ABCC4: variants seen among roughly 807,000 people sequenced by gnomAD.
ABCC4 encodes ATP binding cassette subfamily C member 4 (PEL blood group).
Under a neutral mutation model 168.5 loss-of-function variants are expected in ABCC4, and 102 were observed. The ratio of observed to expected loss-of-function variants is 0.61; its 90% CI spans 0.52 to 0.71. ABCC4 has a LOEUF of 0.71. Ranked by LOEUF, ABCC4 falls within the 30% of genes least tolerant of loss-of-function variation. The pLI is 0.00. For missense variants in ABCC4, 1,402 were observed against 1,605.8 expected, an observed-to-expected ratio of 0.87 and a Z score of 2.17; for synonymous variants, 617 against 590.7, an observed-to-expected ratio of 1.04 and a Z score of -0.65.
chr13:95,139,968 T>C (rs1270367723), intron 19 of ABCC4, among the ~76,000 whole-genome samples: 2 of 152,202 alleles, frequency 1.3e-5, no homozygotes, highest in Admixed American at 1.3e-4. Flanking sequence ...TCCTGATCTC[T>C]AGTTCTGGTT....
At chr13:95,253,221 T>C (rs913117770) in intron 1 of ABCC4, among the ~76,000 whole-genome samples, 2 of 152,212 alleles carry the variant, frequency 1.3e-5, no homozygotes, top group African/African-American at 4.8e-5. Context: ...AGTTTCCATT[T>C]TGCACACTGA....
chr13:95,246,353 C>CA (rs1322073494), intron 3 of ABCC4, among the ~76,000 whole-genome samples: 1 of 152,188 alleles, frequency 6.6e-6, no homozygotes, highest in Non-Finnish European at 1.5e-5. Context: ...GCTCCCAGCA[C>CA]CTGGGCCCAC....
intron 20 of ABCC4, among the ~76,000 whole-genome samples, chr13:95,084,971 T>A (rs995201987): frequency 6.6e-6 from 1 of 152,276 alleles, no homozygotes; most frequent in South Asian, 2.1e-4. Context: ...TCGGGAAATA[T>A]GAGTGCAACT....
At chr13:95,175,967 G>C (rs1471626478) in intron 13 of ABCC4, among the ~76,000 whole-genome samples, 1 of 151,992 alleles carries the variant, frequency 6.6e-6, no homozygotes, top group Non-Finnish European at 1.5e-5. Flanking sequence ...CCTGCCTGCT[G>C]TCCTTCCCAC....
intron 30 of ABCC4, among the ~76,000 whole-genome samples, chr13:95,029,205 TATATATATAGAGAGAGAGAGAG>T (rs2031722032): frequency 1.9e-4 from 10 of 53,600 alleles, no homozygotes; most frequent in African/African-American, 6.3e-4. Flanking sequence ...TATATATATA[TATATATATAGAGAGAGAGAGAG>T]AGAGAGAGAG....
chr13:95,170,683 T>C lies in ABCC4; in HGVS notation c.1728-55A>G, dbSNP rs907811734. ...AATGCATGAATGGGGTGCTCCACAT[T>C]GAAAAACATACATTTTGAAACCGTA... On this transcript the variant is annotated intron_variant, in intron 13 of 30. Coordinates refer to ENST00000645237, the MANE Select transcript of ABCC4 (RefSeq NM_005845.5). The C allele has an allele frequency of 9.4e-6, 10 of 1,059,286 alleles. No homozygotes were observed. In the South Asian group the frequency reaches 1.4e-4, roughly 15 times the overall value. 65.6% of individuals were successfully genotyped at this position (1,059,286 alleles called of 1,614,324 possible).
At chr13:95,045,287 G>C (rs1485861739) in intron 27 of ABCC4, among the ~76,000 whole-genome samples, 1 of 152,148 alleles carries the variant, frequency 6.6e-6, no homozygotes, top group East Asian at 1.9e-4. Flanking sequence ...ATTACTGCAG[G>C]AAGTATGGTC....
rs538334929 is a variant in ABCC4, at chr13:95,232,205, T to G, written c.531+2405A>C. On this transcript the variant is annotated intron_variant, in intron 4 of 30. Transcript: ENST00000645237. The stretch of plus-strand genomic sequence containing the variant: ...TAGTGTGTACAAGCCTTGTTATCAT[T>G]TTCATGTCACACATGAGGAATCCGG... 2.0e-5 allele frequency among the ~76,000 whole-genome samples: 3 copies of G among 151,976 alleles called. No individual in the cohort carries two copies. The South Asian group carries it at 6.3e-4, about 32-fold the overall frequency.
chr13:95,039,924 A>G (rs1474366236), intron 29 of ABCC4, among the ~76,000 whole-genome samples: 2 of 152,172 alleles, frequency 1.3e-5, no homozygotes, highest in Admixed American at 6.5e-5. Flanking sequence ...AACCCCACTT[A>G]GCAACAGGCA....
In ABCC4 at chr13:95,128,617, A is replaced by G. The variant is rs555013068; in HGVS notation, c.2456-12616T>C. 1.1e-4 allele frequency among the ~76,000 whole-genome samples: 16 copies of G among 152,308 alleles called. 1 individual carries two copies. Among genetic ancestry groups the G allele is most frequent in the African/African-American group, 3.6e-4 (15 of 41,578 alleles). On this transcript the variant is annotated intron_variant, in intron 19 of 30. Coordinates refer to ENST00000645237, the MANE Select transcript of ABCC4 (RefSeq NM_005845.5). ...CAATATTTATTCACTCTGAGCAGGG[A>G]AAAATCACAGACTCAGAACCTACCT... is the stretch of plus-strand genomic sequence containing the variant.
intron 26 of ABCC4, among the ~76,000 whole-genome samples, chr13:95,056,741 A>T (rs908034853): frequency 1.2e-4 from 19 of 152,236 alleles, no homozygotes; most frequent in African/African-American, 3.9e-4. Context: ...ACTGAAGAAA[A>T]TTCAGGGAGT....
intron 19 of ABCC4, among the ~76,000 whole-genome samples, chr13:95,126,669 C>CTAGGTTGTGTTG (rs1317829329): frequency 1.4e-4 from 19 of 131,294 alleles, no homozygotes; most frequent in African/African-American, 5.7e-4. Context: ...AGGTGTTACA[C>CTAGGTTGTGTTG]CAAACTGTGT....
At chr13:95,209,894 C>G (rs936836860) in intron 5 of ABCC4, among the ~76,000 whole-genome samples, 2 of 152,234 alleles carry the variant, frequency 1.3e-5, no homozygotes, top group Admixed American at 6.5e-5. Context: ...CTCTCTGCCA[C>G]AGAATTCAGC....
chr13:95,295,683 G>T (rs1482279429), intron 1 of ABCC4, among the ~76,000 whole-genome samples: 1 of 151,486 alleles, frequency 6.6e-6, no homozygotes, highest in Non-Finnish European at 1.5e-5. Context: ...TTAGCTAGGT[G>T]TCCAGGTGCG....
chr13:95,074,391 T>C, intron 22 of ABCC4, 67 bp from the exon 23 acceptor site: 1 of 1,317,580 alleles, frequency 7.6e-7, no homozygotes. Context: ...TTTTGCTCAG[T>C]TGAGCTACAG....
intron 1 of ABCC4, among the ~76,000 whole-genome samples, chr13:95,252,114 G>GA (rs2040280120): frequency 6.6e-6 from 1 of 151,876 alleles, no homozygotes; most frequent in Non-Finnish European, 1.5e-5. Context: ...CTTAATAATG[G>GA]CCCCCAAAGA....
At chr13:95,153,296 A>G (rs2036750128) in intron 19 of ABCC4, among the ~76,000 whole-genome samples, 1 of 152,210 alleles carries the variant, frequency 6.6e-6, no homozygotes, top group African/African-American at 2.4e-5. Context: ...CTAAGCACAC[A>G]TTAACAGCAG....
chr13:95,058,567 CAAAAAAAAAAAAAAAA>C (rs1165324016), intron 26 of ABCC4, among the ~76,000 whole-genome samples: 4 of 62,792 alleles, frequency 6.4e-5, no homozygotes, highest in Non-Finnish European at 8.8e-5. Flanking sequence ...GACTCCATCT[CAAAAAAAAAAAAAAAA>C]AAAAAAAAAG....
chr13:95,167,032 CA>C (rs1400196027), intron 14 of ABCC4, among the ~76,000 whole-genome samples: 11 of 151,788 alleles, frequency 7.2e-5, no homozygotes, highest in Admixed American at 5.3e-4. Flanking sequence ...ACTAAAAATA[CA>C]AAAAAATTAG....
Sources: gnomAD v4.1 joint callset for allele counts (sites outside exome capture counted in the v4.1 genomes callset) on GRCh38, gnomAD v4.1.1 for gene constraint, MANE v1.5 for transcripts, NCBI Gene and HGNC (gene_info 2026-07-23, HGNC 2026-07-21) for gene names.